The following SHANK2 variants were observed in gnomAD, a reference collection of about 807,000 sequenced individuals.
SHANK2 encodes SH3 and multiple ankyrin repeat domains protein 2.
Under a neutral mutation model 133.7 loss-of-function variants are expected in SHANK2, and 43 were observed. That is an observed-to-expected ratio of 0.32 (90% CI 0.25 to 0.41). The LOEUF (loss-of-function observed/expected upper bound fraction) is 0.41. SHANK2 is among the 10% of genes least tolerant of loss of function. SHANK2 has a pLI of 1.00. For missense variants in SHANK2, 1,994 were observed against 2,235.8 expected (o/e 0.89, Z 2.18); for synonymous variants, 1,017 against 952.8 (o/e 1.07, Z -1.24).
At chr11:70,677,916 G>C (rs1426823353) in intron 15 of SHANK2, among the ~76,000 whole-genome samples, 1 of 152,176 alleles carries the variant, frequency 6.6e-6, no homozygotes, top group East Asian at 1.9e-4. Context: ...TTTTGCAGAA[G>C]GTTCCAGCCC....
intron 9 of SHANK2, among the ~76,000 whole-genome samples, chr11:71,066,237 A>G (rs1951061014): frequency 1.6e-3 from 1 of 638 alleles, no homozygotes; most frequent in African/African-American, 6.4e-3. Flanking sequence ...ATGAGCAGTG[A>G]GTGGGGAAGT....
intron 14 of SHANK2, among the ~76,000 whole-genome samples, chr11:70,709,108 G>A (rs1555025595): frequency 1.3e-5 from 2 of 152,252 alleles, no homozygotes; most frequent in East Asian, 3.8e-4. Context: ...TTACTTGGGA[G>A]GCTGAGGTGG....
chr11:70,575,510 C>T (rs2060104718), intron 17 of SHANK2, among the ~76,000 whole-genome samples: 1 of 130,586 alleles, frequency 7.7e-6, no homozygotes, highest in South Asian at 2.4e-4. Flanking sequence ...CAAATTGAGA[C>T]TCTGCCTCAA....
In SHANK2 at chr11:70,688,079, G is replaced by A. The variant is rs563531694; in HGVS notation, c.1853+10609C>T. Among the ~76,000 whole-genome samples the A allele has an allele frequency of 6.6e-5, 10 of 152,326 alleles. No homozygotes were observed. In the South Asian group the frequency reaches 2.1e-3, roughly 32 times the overall value. ...GGCCCCACAGAAAAGGCCGTCATGAGGGTGTCCAGGCTGCTGAGAGCTTGG... is the reference window on the plus strand; with the variant it reads ...GGCCCCACAGAAAAGGCCGTCATGAAGGTGTCCAGGCTGCTGAGAGCTTGG... On this transcript the variant is annotated intron_variant, in intron 15 of 25. Transcript: ENST00000601538.
Position 70,772,261 on chromosome 11 carries a change from GA to G in SHANK2, c.1777+26181del, listed in dbSNP as rs200451547. On this transcript the variant is annotated intron_variant, in intron 14 of 25. Coordinates refer to ENST00000601538, the MANE Select transcript of SHANK2 (RefSeq NM_012309.5). Reference sequence around the variant, plus strand: ...TTGAGACCAGCCTGGCCAACATGGTGAAATCCCATCTCCAAGAAAAATACAA... The same window carrying G: ...TTGAGACCAGCCTGGCCAACATGGTGAATCCCATCTCCAAGAAAAATACAA... Among the ~76,000 whole-genome samples, 898 of 151,964 alleles carry G rather than the reference GA, an allele frequency of 5.9e-3. 6 individuals are homozygous for G. The highest frequency in any genetic ancestry group is 0.021 in the African/African-American group (865 of 41,422).
At chr11:70,545,464 G>T (rs2059679873) in intron 17 of SHANK2, among the ~76,000 whole-genome samples, 2 of 152,100 alleles carry the variant, frequency 1.3e-5, no homozygotes, top group Admixed American at 6.5e-5. Flanking sequence ...CCTGGATGGC[G>T]CCCACCTCAG....
chr11:70,611,361 A>G (rs1418976358), intron 17 of SHANK2, among the ~76,000 whole-genome samples: 1 of 152,136 alleles, frequency 6.6e-6, no homozygotes, highest in East Asian at 1.9e-4. Flanking sequence ...GGGCTGTGGC[A>G]TTACCCGTTC....
intron 21 of SHANK2, among the ~76,000 whole-genome samples, chr11:70,496,168 G>A (rs1244109069): frequency 6.6e-6 from 1 of 151,982 alleles, no homozygotes; most frequent in Non-Finnish European, 1.5e-5. Flanking sequence ...GCTCTGCTGT[G>A]CTGTTGGCCA....
rs549671976 is a variant in SHANK2, at chr11:70,804,340, G to A, written c.1663+2662C>T. On this transcript the variant is annotated intron_variant, in intron 13 of 25. Coordinates refer to ENST00000601538, the MANE Select transcript of SHANK2 (RefSeq NM_012309.5). This position sits in a 1 kb window ranked among gnomAD's most constrained non-coding sequence, Gnocchi z 4.1. ...GGGAGGAGGCACCGACAGCTCGGCA[G>A]GAAGGAAGAGCGGTGCCACTGGCAG... Among the ~76,000 whole-genome samples the A allele has an allele frequency of 8.5e-5, 13 of 152,376 alleles. No homozygotes were observed. Among genetic ancestry groups the A allele is most frequent in the Admixed American group, 2.0e-4 (3 of 15,314 alleles).
intron 9 of SHANK2, among the ~76,000 whole-genome samples, chr11:71,065,879 T>C (rs1406901022): frequency 1.1e-4 from 2 of 17,442 alleles, no homozygotes; most frequent in African/African-American, 2.2e-4. Flanking sequence ...GTGGGGAAGT[T>C]GGGGGGGATA....
At chr11:70,584,521 T>A (rs1003013864) in intron 17 of SHANK2, among the ~76,000 whole-genome samples, 5 of 151,868 alleles carry the variant, frequency 3.3e-5, no homozygotes, top group Non-Finnish European at 5.9e-5. Context: ...CCTGCCCCCA[T>A]CACCCCAGGG....
rs577934901 is a variant in SHANK2 at position 70,594,881 on chromosome 11, T to C, written c.2061+64947A>G. Among the ~76,000 whole-genome samples the C allele has an allele frequency of 1.4e-4, 21 of 152,168 alleles. No homozygotes were observed. In the South Asian group the frequency reaches 4.4e-3, roughly 32 times the overall value. The stretch of plus-strand genomic sequence containing the variant: ...CCTCCAGCCCTGCAGCCCATGCCCC[T>C]CTGCATGCACCTTCAGGGACCCCAT... On this transcript the variant is annotated intron_variant, in intron 17 of 25. Coordinates refer to ENST00000601538, the MANE Select transcript of SHANK2 (RefSeq NM_012309.5).
chr11:70,691,814 A>G (rs1376487865), intron 15 of SHANK2, among the ~76,000 whole-genome samples: 1 of 152,184 alleles, frequency 6.6e-6, no homozygotes, highest in Non-Finnish European at 1.5e-5. Context: ...GAATCACTTG[A>G]ACCAGGGAGG....
intron 12 of SHANK2, among the ~76,000 whole-genome samples, chr11:70,814,324 CAA>C (rs57006336): frequency 1.5e-4 from 20 of 130,458 alleles, no homozygotes; most frequent in Admixed American, 3.1e-4. Flanking sequence ...GACTCTGTCT[CAA>C]AAAAAAAAAA....
At chr11:70,530,458 C>A (rs1434163573) in intron 17 of SHANK2, among the ~76,000 whole-genome samples, 1 of 152,080 alleles carries the variant, frequency 6.6e-6, no homozygotes, top group Admixed American at 6.5e-5. Context: ...ATTGCTTGAG[C>A]CCGGGAATTT....
intron 10 of SHANK2, among the ~76,000 whole-genome samples, chr11:70,940,400 C>T (rs570455229): frequency 7.9e-5 from 12 of 151,842 alleles, no homozygotes; most frequent in African/African-American, 2.9e-4. Context: ...GCACATGCCA[C>T]CACGCCCAGC....
At chr11:70,591,337 G>A (rs1210043277) in intron 17 of SHANK2, among the ~76,000 whole-genome samples, 1 of 150,712 alleles carries the variant, frequency 6.6e-6, no homozygotes, top group East Asian at 1.9e-4. Context: ...GGGCTACAGA[G>A]ACAGACTCTG....
chr11:71,210,233 T>C (rs1954234549), intron 2 of SHANK2, among the ~76,000 whole-genome samples: 1 of 72,174 alleles, frequency 1.4e-5, no homozygotes, highest in African/African-American at 5.7e-5. Context: ...TATATATATA[T>C]ATATATATAT....
At chr11:71,240,662 C>T (rs899642430) in intron 1 of SHANK2, 2 of 152,214 alleles carry the variant, frequency 1.3e-5, no homozygotes, top group Non-Finnish European at 1.5e-5. Flanking sequence ...GGCATGGGGG[C>T]TCATGCCTGT....
Sources: gnomAD v4.1 joint callset for allele counts (sites outside exome capture counted in the v4.1 genomes callset) on GRCh38, gnomAD v4.1.1 for gene constraint, Gnocchi (gnomAD v3.1) non-coding constraint, MANE v1.5 for transcripts, NCBI Gene and HGNC (gene_info 2026-07-23, HGNC 2026-07-21) for gene names.